Variants in NLGN1 observed in about 807,000 individuals in gnomAD.
NLGN1 encodes neuroligin 1, also known as neuroligin-1.
A neutral mutation model predicts 65.5 loss-of-function variants in NLGN1; 12 were observed. That is an observed-to-expected ratio of 0.18 (90% confidence interval 0.12 to 0.30). NLGN1 has a LOEUF of 0.30. Ranked by LOEUF, NLGN1 falls within the 10% of genes least tolerant of loss-of-function variation. The pLI is 1.00. For synonymous variants in NLGN1, 350 were observed against 359.5 expected, an observed-to-expected ratio of 0.97 and a Z score of 0.30; for missense variants, 750 against 1,007.1, an observed-to-expected ratio of 0.74 and a Z score of 3.46.
chr3:173,574,062 C>CAAA (rs1192427397), intron 2 of NLGN1, among the ~76,000 whole-genome samples: 109 of 51,626 alleles, frequency 2.1e-3, no homozygotes, highest in Non-Finnish European at 2.4e-3. Flanking sequence ...GACTCCACCT[C>CAAA]AAAAAAAAAA....
chr3:173,745,057 A>G (rs1250792493), intron 3 of NLGN1, among the ~76,000 whole-genome samples: 1 of 152,128 alleles, frequency 6.6e-6, no homozygotes, highest in Non-Finnish European at 1.5e-5. Flanking sequence ...ATCCCTAACC[A>G]GAACTGATGA....
chr3:173,795,627 T>C (rs1425359263), intron 3 of NLGN1, among the ~76,000 whole-genome samples: 1 of 152,102 alleles, frequency 6.6e-6, no homozygotes, highest in African/African-American at 2.4e-5. Context: ...CTTAAAACCA[T>C]TGTGTTTTAA....
At chr3:173,464,688 G>C (rs1724021816) in intron 2 of NLGN1, among the ~76,000 whole-genome samples, 1 of 152,216 alleles carries the variant, frequency 6.6e-6, no homozygotes, top group South Asian at 2.1e-4. Context: ...GCCCGCCTTG[G>C]CCTCCCAAAG....
chr3:174,089,014 A>G (rs1461942011), intron 4 of NLGN1, among the ~76,000 whole-genome samples: 2 of 151,988 alleles, frequency 1.3e-5, no homozygotes, highest in Non-Finnish European at 2.9e-5. Flanking sequence ...AAAATCCTAA[A>G]TGCTCTCACT....
intron 4 of NLGN1, among the ~76,000 whole-genome samples, chr3:174,027,218 G>C (rs1729023689): frequency 6.6e-6 from 1 of 152,094 alleles, no homozygotes; most frequent in South Asian, 2.1e-4. Flanking sequence ...TTATCCAGCT[G>C]TCTACCCAAA....
intron 4 of NLGN1, among the ~76,000 whole-genome samples, chr3:173,825,897 A>AGT (rs1399803442): frequency 2.0e-5 from 3 of 151,990 alleles, no homozygotes; most frequent in Non-Finnish European, 4.4e-5. Context: ...AGCAAAGTAG[A>AGT]GTTCATTCTG....
At chr3:173,750,268 A>G (rs551258566) in intron 3 of NLGN1, among the ~76,000 whole-genome samples, 2 of 152,196 alleles carry the variant, frequency 1.3e-5, no homozygotes, top group East Asian at 1.9e-4. Flanking sequence ...TGTCCAGGCT[A>G]TGTGACTGTA....
intron 2 of NLGN1, among the ~76,000 whole-genome samples, chr3:173,436,393 C>T (rs1392290730): frequency 2.0e-5 from 3 of 152,136 alleles, no homozygotes; most frequent in Non-Finnish European, 4.4e-5. Context: ...TAATGTATGG[C>T]ACACACATGA....
chr3:173,747,140 T>G (rs994058846), intron 3 of NLGN1, among the ~76,000 whole-genome samples: 2 of 149,238 alleles, frequency 1.3e-5, no homozygotes, highest in Non-Finnish European at 1.5e-5. Context: ...TGTATATATA[T>G]GTATATGTAT....
chr3:174,196,305 ATT>A (rs141985993), intron 4 of NLGN1, among the ~76,000 whole-genome samples: 2 of 151,668 alleles, frequency 1.3e-5, no homozygotes, highest in Non-Finnish European at 2.9e-5. Flanking sequence ...CTGTACATCT[ATT>A]TTTTTTCTCT....
At chr3:173,538,717 T>C (rs1055807853) in intron 2 of NLGN1, among the ~76,000 whole-genome samples, 4 of 152,108 alleles carry the variant, frequency 2.6e-5, no homozygotes, top group East Asian at 1.9e-4. Context: ...TAGAAGTCCA[T>C]ATGTGAAGCC....
At chr3:174,078,459 A>G (rs943561111) in intron 4 of NLGN1, among the ~76,000 whole-genome samples, 3 of 152,132 alleles carry the variant, frequency 2.0e-5, no homozygotes, top group Non-Finnish European at 4.4e-5. Flanking sequence ...CTCTGAAATT[A>G]TATGTTGTCT....
intron 2 of NLGN1, among the ~76,000 whole-genome samples, chr3:173,545,065 T>TTTCG (rs1553881029): frequency 9.2e-6 from 1 of 108,864 alleles, no homozygotes; most frequent in Non-Finnish European, 1.8e-5. Context: ...TGGTTGTTTT[T>TTTCG]TTTGTTTGTT....
chr3:173,808,312 A>G (rs1717114975), intron 4 of NLGN1, among the ~76,000 whole-genome samples: 1 of 152,020 alleles, frequency 6.6e-6, no homozygotes, highest in African/African-American at 2.4e-5. Flanking sequence ...AATTAGTAAT[A>G]TTTTTCTGAA....
At chr3:174,201,346 T>TGAAGGAAGGAAG (rs750062965) in intron 4 of NLGN1, among the ~76,000 whole-genome samples, 4 of 27,658 alleles carry the variant, frequency 1.4e-4, no homozygotes, top group Middle Eastern at 0.015. Context: ...GTGGGAGGAA[T>TGAAGGAAGGAAG]GAAGGAAGGA....
chr3:173,681,282 C>T (rs547694063), intron 3 of NLGN1, among the ~76,000 whole-genome samples: 14 of 152,190 alleles, frequency 9.2e-5, no homozygotes, highest in African/African-American at 3.4e-4. Context: ...ACCTTACGGT[C>T]AGTGTTTGGA....
chr3:174,293,923 G>A, the NLGN1 span, among the ~76,000 whole-genome samples: 1 of 151,570 alleles, frequency 6.6e-6, no homozygotes, highest in Non-Finnish European at 1.5e-5. Context: ...GAGAAAAAGA[G>A]AAAGTACTAC....
At chr3:173,581,921 G>A (rs1317024282) in intron 2 of NLGN1, among the ~76,000 whole-genome samples, 1 of 151,958 alleles carries the variant, frequency 6.6e-6, no homozygotes, top group Non-Finnish European at 1.5e-5. Flanking sequence ...TACAGTTGAA[G>A]CTTCTGGTGA....
intron 4 of NLGN1, among the ~76,000 whole-genome samples, chr3:174,218,018 T>A (rs972985983): frequency 3.9e-5 from 6 of 152,020 alleles, no homozygotes; most frequent in Non-Finnish European, 5.9e-5. Context: ...AATAATTTCC[T>A]TGGAAAATTG....
Sources: gnomAD v4.1 joint callset for allele counts (sites outside exome capture counted in the v4.1 genomes callset) on GRCh38, gnomAD v4.1.1 for gene constraint, MANE v1.5 for transcripts, NCBI Gene and HGNC (gene_info 2026-07-23, HGNC 2026-07-21) for gene names.